The following THSD7B variants were observed in gnomAD, a reference collection of about 807,000 sequenced individuals.
THSD7B encodes the protein thrombospondin type-1 domain-containing protein 7B.
In THSD7B, 138 loss-of-function variants were observed where a neutral mutation model predicts 213.6. The observed-to-expected ratio is 0.65, with a 90% CI of 0.56 to 0.74. The LOEUF is 0.74. Ranked by LOEUF, THSD7B falls within the 30% of genes least tolerant of loss-of-function variation. THSD7B has a pLI of 0.00. For synonymous variants in THSD7B, 742 were observed against 687.0 expected, an observed-to-expected ratio of 1.08 and a Z score of -1.25; for missense variants, 1,931 against 1,991.5, an observed-to-expected ratio of 0.97 and a Z score of 0.58.
intron 3 of THSD7B, among the ~76,000 whole-genome samples, chr2:137,083,945 T>C (rs535467426): frequency 6.6e-6 from 1 of 152,256 alleles, no homozygotes; most frequent in South Asian, 2.1e-4. Context: ...TAAAAGTACT[T>C]TTTAACTGTA....
intron 21 of THSD7B, among the ~76,000 whole-genome samples, chr2:137,654,939 T>A (rs906299689): frequency 1.1e-4 from 17 of 152,190 alleles, no homozygotes; most frequent in Non-Finnish European, 2.9e-5. Flanking sequence ...GTACAAATTT[T>A]TTCTAATTGC....
At chr2:136,777,360 C>T (rs992031666) in intron 1 of THSD7B, among the ~76,000 whole-genome samples, 4 of 152,196 alleles carry the variant, frequency 2.6e-5, no homozygotes, top group East Asian at 1.9e-4. Context: ...CTCTTGCCCT[C>T]CTTTCAAATT....
intron 10 of THSD7B, among the ~76,000 whole-genome samples, chr2:137,259,618 C>G (rs564529050): frequency 6.6e-6 from 1 of 152,144 alleles, no homozygotes; most frequent in Admixed American, 6.5e-5. Context: ...AAAATTTTCT[C>G]CCATTCTGTA....
intron 7 of THSD7B, among the ~76,000 whole-genome samples, chr2:137,212,634 C>T (rs12467218): frequency 0.29 from 42,864 of 149,126 alleles, 6,873 homozygotes; most frequent in East Asian, 0.49. Context: ...TAGGCCTCAT[C>T]TCTAAAGCAA....
chr2:137,271,381 A>G (rs1168170427), intron 10 of THSD7B, among the ~76,000 whole-genome samples: 1 of 140,026 alleles, frequency 7.1e-6, no homozygotes, highest in Admixed American at 7.7e-5. Flanking sequence ...ATTCATATAT[A>G]TATATATTAT....
chr2:137,187,973 G>C (rs1284282808), intron 7 of THSD7B, among the ~76,000 whole-genome samples: 1 of 151,906 alleles, frequency 6.6e-6, no homozygotes, highest in East Asian at 1.9e-4. Context: ...GCTTTCCATG[G>C]GAAATCCCCA....
intron 15 of THSD7B, among the ~76,000 whole-genome samples, chr2:137,517,319 T>G (rs139701871): frequency 0.012 from 1,770 of 152,318 alleles, 37 homozygotes; most frequent in African/African-American, 0.04. Flanking sequence ...GCTGATTGGA[T>G]CCAGTGAGCA....
At chr2:137,364,618 C>G (rs1685360640) in intron 12 of THSD7B, among the ~76,000 whole-genome samples, 2 of 152,160 alleles carry the variant, frequency 1.3e-5, no homozygotes, top group South Asian at 2.1e-4. Context: ...AGAGCCAAAT[C>G]ATGAGTAATC....
chr2:136,811,269 C>G (rs542245524), intron 1 of THSD7B, among the ~76,000 whole-genome samples: 1 of 152,200 alleles, frequency 6.6e-6, no homozygotes, highest in Admixed American at 6.5e-5. Context: ...TTTATTTTTA[C>G]AAACTCACTA....
chr2:137,599,809 T>A (rs887486841), intron 17 of THSD7B, among the ~76,000 whole-genome samples: 3 of 152,184 alleles, frequency 2.0e-5, no homozygotes, highest in Non-Finnish European at 4.4e-5. Flanking sequence ...GCTGGAGGAT[T>A]TAGTGTATAA....
chr2:137,543,873 G>T (rs974654557), intron 15 of THSD7B, among the ~76,000 whole-genome samples: 2 of 151,542 alleles, frequency 1.3e-5, no homozygotes, highest in South Asian at 2.1e-4. Context: ...CCGAAAAAAT[G>T]CTCAGATGCT....
intron 3 of THSD7B, among the ~76,000 whole-genome samples, chr2:137,072,233 C>G (rs1050670995): frequency 1.3e-5 from 2 of 152,130 alleles, no homozygotes; most frequent in Admixed American, 6.6e-5. Context: ...TTCTTCCTAC[C>G]CATGAGCATG....
intron 15 of THSD7B, among the ~76,000 whole-genome samples, chr2:137,558,945 G>C (rs956208730): frequency 1.3e-5 from 2 of 152,048 alleles, no homozygotes; most frequent in Non-Finnish European, 2.9e-5. Flanking sequence ...GCCAAATCAT[G>C]AGTGAACTCC....
rs543226157 is a variant in THSD7B, at chr2:137,444,786, A to C, written c.2960-6059A>C. Among the ~76,000 whole-genome samples the C allele has an allele frequency of 6.6e-5, 10 of 152,188 alleles. No homozygotes were observed. In the East Asian group the frequency reaches 1.9e-3, roughly 29 times the overall value. On this transcript the variant is annotated intron_variant, in intron 14 of 27. Coordinates refer to ENST00000409968, the MANE Select transcript of THSD7B (RefSeq NM_001316349.2). ...GACAAATGGGATCACATCCAGCTAA[A>C]AAGTTTCTGCACAGTAAAGGAAACA...
chr2:137,198,142 AT>A (rs2105021377), intron 7 of THSD7B, among the ~76,000 whole-genome samples: 1 of 152,316 alleles, frequency 6.6e-6, no homozygotes, highest in African/African-American at 2.4e-5. Context: ...GGAAATACTA[AT>A]GAGTCTACAT....
chr2:137,107,114 A>G (rs1688269526), intron 4 of THSD7B, among the ~76,000 whole-genome samples: 1 of 152,202 alleles, frequency 6.6e-6, no homozygotes, highest in Non-Finnish European at 1.5e-5. Context: ...CAGCACATTC[A>G]CAATAACAAA....
rs1326699820 is a variant in THSD7B, at chr2:137,170,943, G to A, written c.1723+5G>A. ...CCGTCTGCCAGAATGACCGCGGTAT[G>A]ACCCAGTGACCCACTAGAGGTGTTA... On this transcript the variant is annotated splice_donor_5th_base_variant and intron_variant, in intron 7 of 27. Transcript: ENST00000409968. 1.2e-6 allele frequency: 2 copies of A among 1,611,650 alleles called. No individual in the cohort carries two copies. The highest frequency in any genetic ancestry group is 2.2e-5 in the South Asian group (2 of 90,890).
At position 137,500,366 on chromosome 2, in the gene THSD7B, G is replaced by A. The variant is rs146871649; in HGVS notation, c.3138+49343G>A. Among the ~76,000 whole-genome samples the A allele has an allele frequency of 7.9e-4, 120 of 152,290 alleles. 1 individual carries two copies. The East Asian group carries it at 0.022, about 28-fold the overall frequency. On this transcript the variant is annotated intron_variant, in intron 15 of 27. Coordinates refer to ENST00000409968, the MANE Select transcript of THSD7B (RefSeq NM_001316349.2). ...AGAAACATGTTTTTTTGACTCAGTA[G>A]CAAAGATCTAGACATTTTAGACATG...
intron 2 of THSD7B, among the ~76,000 whole-genome samples, chr2:137,017,368 T>C (rs992801276): frequency 1.3e-5 from 2 of 151,664 alleles, no homozygotes; most frequent in Non-Finnish European, 2.9e-5. Flanking sequence ...GGGAAGAGAT[T>C]GGAAAAGAGA....
Sources: allele counts gnomAD v4.1 joint callset (sites outside exome capture counted in the v4.1 genomes callset), GRCh38; gene constraint gnomAD v4.1.1; transcripts MANE v1.5; gene names NCBI Gene and HGNC (gene_info 2026-07-23, HGNC 2026-07-21).